Variants in TAF1 observed in about 807,000 individuals in gnomAD.
TAF1 encodes TATA-box binding protein associated factor 1, also known as transcription initiation factor TFIID subunit 1.
Under a neutral mutation model 138.5 loss-of-function variants are expected in TAF1, and 2 were observed. The observed-to-expected ratio is 0.01, with a 90% CI of 0.01 to 0.05. The LOEUF (loss-of-function observed/expected upper bound fraction) is 0.05. Ranked by LOEUF, TAF1 falls within the 10% of genes least tolerant of loss-of-function variation. TAF1 has a pLI of 1.00. For missense variants in TAF1, 709 were observed against 1,478.0 expected (o/e 0.48, Z 8.53); for synonymous variants, 437 against 503.2 (o/e 0.87, Z 1.76).
At position 71,486,522 on chromosome X, in the gene TAF1, CTT is replaced by C. The variant is rs750926740; in HGVS notation, c.1366+25735_1366+25736del. Among the ~76,000 whole-genome samples, 471 of 95,326 alleles carry C rather than the reference CTT, an allele frequency of 4.9e-3. 10 individuals carry two copies. The highest frequency in any genetic ancestry group is 0.049 in the East Asian group (151 of 3,087). 82.8% of individuals were successfully genotyped at this position (95,326 alleles called of 115,157 possible). ...GGTGCACACCACCACGCCTGGCTAT[CTT>C]TTTTTTTTTTTTTTTCTGTAGAGAC... On this transcript the variant is annotated intron_variant and NMD_transcript_variant, in intron 13 of 14. Coordinates refer to the TAF1 transcript ENST00000373775.
At chrX:71,524,189 T>C (rs1338593080) in intron 13 of TAF1, among the ~76,000 whole-genome samples, 3 of 108,678 alleles carry the variant, frequency 2.8e-5, no homozygotes, top group Non-Finnish European at 1.9e-5. Context: ...ACCCAGCTGA[T>C]TTTTGTATTT....
rs765479791 is a variant in TAF1 at position 71,501,634 on chromosome X, C to G, written c.1367-26908C>G. The stretch of plus-strand genomic sequence containing the variant: ...GACCCTGGAGCTGAATGGCTTTCCT[C>G]TCTGTCGACCCTCGGCTCAGCCTGC... On this transcript the variant is annotated intron_variant and NMD_transcript_variant, in intron 13 of 14. Transcript: ENST00000373775. Among the ~76,000 whole-genome samples, 8 of 111,424 alleles carry G rather than the reference C, an allele frequency of 7.2e-5. No individual in the cohort carries two copies. In the South Asian group the frequency reaches 2.7e-3, roughly 37 times the overall value.
chrX:71,517,755 T>C (rs541099369), intron 13 of TAF1, among the ~76,000 whole-genome samples: 1 of 111,985 alleles, frequency 8.9e-6, no homozygotes, highest in South Asian at 3.7e-4. Flanking sequence ...AAAATAAATG[T>C]GTGTGTATGT....
chrX:71,384,510 G>A (rs1824260462), intron 13 of TAF1, among the ~76,000 whole-genome samples: 1 of 109,469 alleles, frequency 9.1e-6, no homozygotes, highest in Admixed American at 9.8e-5. Context: ...TCCTGGGTTT[G>A]GGCAATTCTT....
chrX:71,420,304 C>A lies in TAF1; in HGVS notation c.4385-1005C>A. The stretch of plus-strand genomic sequence containing the variant: ...TGCCTTCCTCTAAATAGGGAGTCAT[C>A]TAAGGCCAGGGAAGTCCTCACTGAC... On this transcript the variant is annotated intron_variant, in intron 28 of 37. Transcript: ENST00000423759. 2.6e-6 allele frequency: 3 copies of A among 1,137,169 alleles called. No individual in the cohort carries two copies. The South Asian group carries it at 5.4e-5, about 21-fold the overall frequency. The allele number at this position is 1,137,169 out of a possible 1,213,427, so 93.7% of individuals were successfully genotyped here.
intron 32 of TAF1, among the ~76,000 whole-genome samples, chrX:71,430,536 G>A (rs760208760): frequency 9.0e-6 from 1 of 111,700 alleles, no homozygotes; most frequent in East Asian, 2.8e-4. Flanking sequence ...TTACTCAACA[G>A]TATTTAAAAA....
At chrX:71,519,504 G>A (rs776809424) in intron 13 of TAF1, among the ~76,000 whole-genome samples, 2 of 106,360 alleles carry the variant, frequency 1.9e-5, no homozygotes, top group African/African-American at 6.8e-5. Context: ...TCAGCCAGGC[G>A]TGGTGGCGGG....
intron 18 of TAF1, 26 bp from the exon 19 acceptor site, chrX:71,392,543 C>G: frequency 8.8e-7 from 1 of 1,137,264 alleles, no homozygotes; most frequent in Non-Finnish European, 1.2e-6. Context: ...TTCCCACTGC[C>G]CTGAGAATCT....
chrX:71,399,647 T>C (rs1217946383), intron 24 of TAF1, among the ~76,000 whole-genome samples: 3 of 105,039 alleles, frequency 2.9e-5, no homozygotes, highest in African/African-American at 1.0e-4. Context: ...TCTCAGCTCA[T>C]TGCAACCTCC....
chrX:71,398,806 T>C, intron 24 of TAF1, 69 bp downstream of exon 24: 1 of 1,109,199 alleles, frequency 9.0e-7, no homozygotes, highest in South Asian at 2.4e-5. Context: ...CCTTTAGCTT[T>C]TGATATCCTC....
At chrX:71,402,904 T>G in intron 25 of TAF1, among the ~76,000 whole-genome samples, 1 of 111,333 alleles carries the variant, frequency 9.0e-6, no homozygotes, top group Non-Finnish European at 1.9e-5. Context: ...CTTCCCTAGT[T>G]GTCTCAGTGT....
At position 71,393,335 on chromosome X, in the gene TAF1, T is replaced by C. The variant is rs1987421568; in HGVS notation, c.3086T>C (p.Val1029Ala). Reference protein sequence around the residue: ...KKLSRWEVIDVVRTMSTEQAR... With the variant: ...KKLSRWEVIDAVRTMSTEQAR... The stretch of plus-strand genomic sequence containing the variant: ...TTGTCCCGCTGGGAAGTGATTGATG[T>C]GGTGCGCACAATGTCAACAGAACAG... Residue 1029 changes from valine (V) to alanine (A), a missense_variant, in exon 21 of 38, where the codon GTG becomes GCG. Transcript: ENST00000423759. 1 of 1,203,036 alleles carries C rather than the reference T, an allele frequency of 8.3e-7. No individual in the cohort carries two copies. The highest frequency in any genetic ancestry group is 1.8e-5 in the African/African-American group (1 of 55,923).
Position 71,366,389 on chromosome X carries a change from C to T in TAF1, c.15C>T (p.Asp5=). The T allele has an allele frequency of 8.3e-7, 1 of 1,210,902 alleles. No individual in the cohort carries two copies. The change falls in exon 1 of 38, where the codon GAC becomes GAT. Residue 5 remains aspartate, a synonymous_variant. Transcript: ENST00000423759. ...CTGCCGCCATCATGTCAGACACGGACAGCGACGAAGATTCCGCTGGAGGCG... is the reference window on the plus strand; with the variant it reads ...CTGCCGCCATCATGTCAGACACGGATAGCGACGAAGATTCCGCTGGAGGCG... The part of the protein sequence containing the change: MSDT[D]SDEDSAGGGP...
At chrX:71,484,336 CTT>C (rs376235189) in intron 13 of TAF1, among the ~76,000 whole-genome samples, 9 of 101,679 alleles carry the variant, frequency 8.9e-5, no homozygotes, top group African/African-American at 1.1e-4. Flanking sequence ...GGTCAAATTA[CTT>C]TTTTTTTTTT....
intron 3 of TAF1, 69 bp from the exon 4 acceptor site, chrX:71,375,098 G>A (rs2033376247): frequency 2.6e-6 from 3 of 1,141,159 alleles, no homozygotes; most frequent in South Asian, 4.2e-5. Context: ...AAAATTGAGT[G>A]GCAAGGAAGC....
At chrX:71,431,907 T>TC (rs1311234804) in intron 32 of TAF1, among the ~76,000 whole-genome samples, 1 of 90,657 alleles carries the variant, frequency 1.1e-5, no homozygotes, top group African/African-American at 4.4e-5. Flanking sequence ...AGAGTGAGAC[T>TC]CCGTCTCAAA....
downstream of TAF1, among the ~76,000 whole-genome samples, chrX:71,467,829 T>C (rs757400922): frequency 2.1e-3 from 234 of 112,096 alleles, 1 homozygote; most frequent in Non-Finnish European, 3.8e-3. Context: ...TTTCAAAACA[T>C]GTTTTTAAAC....
chrX:71,525,416 G>GT (rs1200754798), intron 13 of TAF1, among the ~76,000 whole-genome samples: 2 of 111,968 alleles, frequency 1.8e-5, no homozygotes, highest in Non-Finnish European at 3.8e-5. Context: ...TGAATTACAT[G>GT]TTTTTTGTGA....
chrX:71,379,312 C>G (rs2033706946), intron 8 of TAF1, among the ~76,000 whole-genome samples: 1 of 108,178 alleles, frequency 9.2e-6, no homozygotes. Flanking sequence ...GATGGGGTTT[C>G]TCCATGTTGG....
Sources: allele counts gnomAD v4.1 joint callset (sites outside exome capture counted in the v4.1 genomes callset), GRCh38; gene constraint gnomAD v4.1.1; transcripts MANE v1.5; gene names NCBI Gene and HGNC (gene_info 2026-07-23, HGNC 2026-07-21).